Variants in ARHGAP39 observed in about 807,000 individuals in gnomAD.
ARHGAP39 encodes rho GTPase-activating protein 39.
In ARHGAP39, 44 loss-of-function variants were observed where a neutral mutation model predicts 106.9. The observed-to-expected ratio is 0.41, with a 90% CI of 0.32 to 0.53. The LOEUF (loss-of-function observed/expected upper bound fraction) is 0.53. ARHGAP39 is among the 20% of genes least tolerant of loss of function. The pLI, the probability that ARHGAP39 is intolerant of heterozygous loss-of-function variation, is 0.21. For synonymous variants in ARHGAP39, 768 were observed against 693.2 expected (o/e 1.11, Z -1.69); for missense variants, 1,496 against 1,577.3 (o/e 0.95, Z 0.87).
intron 3 of ARHGAP39, among the ~76,000 whole-genome samples, chr8:144,566,047 T>C (rs1436830280): frequency 6.6e-6 from 1 of 151,572 alleles, no homozygotes; most frequent in Non-Finnish European, 1.5e-5. Flanking sequence ...TCATCTGTGA[T>C]TGCGCCATTG....
Position 144,547,422 on chromosome 8 carries a change from G to GC in ARHGAP39, c.1663dup (p.Ala555GlyfsTer101). Reference sequence around the variant, plus strand: ...CGCCTCCCAGGCCAGCCGAGCCTGCGCCAGGAAGGGCTCGGCCGCGCCCCG... The same window carrying GC: ...CGCCTCCCAGGCCAGCCGAGCCTGCGCCCAGGAAGGGCTCGGCCGCGCCCCG... On this transcript the variant is annotated frameshift_variant, in exon 5 of 12. Coordinates refer to ENST00000377307, the MANE Select transcript of ARHGAP39 (RefSeq NM_025251.3). LOFTEE classifies it high-confidence loss of function. This position sits in a 1 kb window ranked among gnomAD's most constrained non-coding sequence, Gnocchi z 5.2. The GC allele has an allele frequency of 6.3e-7, 1 of 1,590,204 alleles. No homozygotes were observed. The highest frequency in any genetic ancestry group is 8.5e-7 in the Non-Finnish European group (1 of 1,175,134).
chr8:144,529,730 A>G lies in ARHGAP39; in HGVS notation c.*692T>C, dbSNP rs1485303219. ...TATACACGGTGGGCTGCGATGCAGG[A>G]TAGATTCTGGATTTACAGTTACACG... On this transcript the variant is annotated 3_prime_UTR_variant, in exon 12 of 12. Transcript: ENST00000377307. 2.0e-5 allele frequency: 3 copies of G among 152,048 alleles called. No individual in the cohort carries two copies. The highest frequency in any genetic ancestry group is 4.4e-5 in the Non-Finnish European group (3 of 68,026). 9.4% of individuals were successfully genotyped at this position (152,048 alleles called of 1,614,324 possible).
At chr8:144,651,287 T>C (rs914151582) in intron 1 of ARHGAP39, among the ~76,000 whole-genome samples, 3 of 152,116 alleles carry the variant, frequency 2.0e-5, no homozygotes, top group Admixed American at 1.3e-4. Flanking sequence ...CATCCCATAC[T>C]CATGGATAGG....
chr8:144,699,131 G>C, the ARHGAP39 span: 12 of 309,678 alleles, frequency 3.9e-5, no homozygotes, highest in Non-Finnish European at 6.9e-5. Flanking sequence ...CGATGCAGGG[G>C]GTGGGGACTG....
chr8:144,630,867 C>T (rs574860633), intron 1 of ARHGAP39, among the ~76,000 whole-genome samples: 1 of 152,384 alleles, frequency 6.6e-6, no homozygotes, highest in East Asian at 1.9e-4. Context: ...AATTACCCAT[C>T]TGTAATAGGC....
chr8:144,533,148 C>A lies in ARHGAP39; in HGVS notation c.2866G>T (p.Asp956Tyr), dbSNP rs1255577447. Residue 956 changes from aspartate to tyrosine, a missense_variant, in exon 9 of 12, where the codon GAC (aspartate) becomes TAC (tyrosine). Around this residue, in one of 4 missense-constraint regions of ARHGAP39, gnomAD observed 470 missense variants for 605.1 expected, o/e 0.78. Transcript: ENST00000377307. Reference protein sequence around the residue: ...LSEEVLALNGDQTEGIFRVPG... With the variant: ...LSEEVLALNGYQTEGIFRVPG... ...CACCTGAAGATGCCCTCTGTCTGGT[C>A]ACCGTTGAGCGCCAGCACCTCCTCA... is the stretch of plus-strand genomic sequence containing the variant. 6.2e-7 allele frequency: 1 copy of A among 1,606,562 alleles called. No homozygotes were observed. The highest frequency in any genetic ancestry group is 2.2e-5 in the East Asian group (1 of 44,816).
the ARHGAP39 span, among the ~76,000 whole-genome samples, chr8:144,691,458 A>G: frequency 6.6e-6 from 1 of 152,318 alleles, no homozygotes; most frequent in East Asian, 1.9e-4. Flanking sequence ...GACCAAGAGA[A>G]CAGCGAAAGT....
intron 2 of ARHGAP39, among the ~76,000 whole-genome samples, chr8:144,599,539 G>A (rs928357349): frequency 1.3e-5 from 2 of 152,216 alleles, no homozygotes; most frequent in African/African-American, 4.8e-5. Context: ...GTAGGCAGGT[G>A]CAGAAAGGGC....
intron 3 of ARHGAP39, among the ~76,000 whole-genome samples, chr8:144,579,424 C>T (rs967295306): frequency 2.2e-4 from 33 of 152,040 alleles, no homozygotes; most frequent in Admixed American, 1.7e-3. Flanking sequence ...TCTTTGTGCC[C>T]GCCTTCTGCA....
At chr8:144,537,946 G>C in intron 6 of ARHGAP39, 133 bp from the exon 7 acceptor site, 1 of 749,286 alleles carries the variant, frequency 1.3e-6, no homozygotes, top group Non-Finnish European at 2.2e-6. Context: ...TGGGGGCTGA[G>C]CGTTTCTGGG....
At chr8:144,540,270 C>T (rs1817134451) in intron 6 of ARHGAP39, among the ~76,000 whole-genome samples, 1 of 152,132 alleles carries the variant, frequency 6.6e-6, no homozygotes, top group Admixed American at 6.6e-5. Context: ...GTGGTTCAGG[C>T]CTGTTGTCCT....
In ARHGAP39 at chr8:144,547,483, GGGCGA is replaced by G; in HGVS notation, c.1598_1602del (p.Leu533ProfsTer8). The G allele has an allele frequency of 6.5e-7, 1 of 1,528,768 alleles. No individual in the cohort carries two copies. Among genetic ancestry groups the G allele is most frequent in the Non-Finnish European group, 8.8e-7 (1 of 1,142,160 alleles). The allele number at this position is 1,528,768 out of a possible 1,614,324, so 94.7% of individuals were successfully genotyped here. A position where few individuals can be genotyped will look rare whatever the true frequency, so the allele number is the denominator to read the frequency against. The stretch of plus-strand genomic sequence containing the variant: ...GCCTCACCTTCCGCTCGCTTCACGG[GGGCGA>G]GGCTGGTCCCGCACGGGGGCTGTTC... On this transcript the variant is annotated frameshift_variant, in exon 5 of 12. Coordinates refer to ENST00000377307, the MANE Select transcript of ARHGAP39 (RefSeq NM_025251.3). LOFTEE classifies it high-confidence loss of function. This position sits in a 1 kb window ranked among gnomAD's most constrained non-coding sequence, Gnocchi z 5.2.
At chr8:144,575,136 GCA>G (rs1438740156) in intron 3 of ARHGAP39, among the ~76,000 whole-genome samples, 1 of 152,096 alleles carries the variant, frequency 6.6e-6, no homozygotes, top group Non-Finnish European at 1.5e-5. Context: ...ATAAAAAATG[GCA>G]CACCTGTACT....
intron 1 of ARHGAP39, among the ~76,000 whole-genome samples, 173 bp downstream of exon 1, chr8:144,685,513 A>C (rs1586658500): frequency 4.5e-5 from 2 of 44,442 alleles, no homozygotes; most frequent in South Asian, 7.3e-4. Flanking sequence ...CCCTCCCTCC[A>C]CGGCCCAGTC....
intron 1 of ARHGAP39, among the ~76,000 whole-genome samples, chr8:144,610,508 G>A (rs1243020983): frequency 6.6e-6 from 1 of 151,832 alleles, no homozygotes; most frequent in African/African-American, 2.4e-5. Context: ...TCAGGAAATT[G>A]AGACCATCCT....
At chr8:144,605,197 G>A (rs1820236920) in intron 2 of ARHGAP39, among the ~76,000 whole-genome samples, 1 of 152,208 alleles carries the variant, frequency 6.6e-6, no homozygotes, top group African/African-American at 2.4e-5. Context: ...GGAGTTCAAG[G>A]CTGCAGTGAG....
intron 1 of ARHGAP39, among the ~76,000 whole-genome samples, chr8:144,609,405 T>TG (rs1480619343): frequency 6.8e-6 from 1 of 146,882 alleles, no homozygotes; most frequent in Non-Finnish European, 1.5e-5. Context: ...TCCTTTTTTT[T>TG]TTTTTTTTTT....
At chr8:144,530,649 C>CGGGGGGGGGGGGGG in intron 11 of ARHGAP39, 33 bp from the exon 12 acceptor site, 1 of 134,174 alleles carries the variant, frequency 7.5e-6, no homozygotes, top group Non-Finnish European at 9.9e-6. Flanking sequence ...CGCGGAGGGG[C>CGGGGGGGGGGGGGG]GGGGGCGGGG....
intron 1 of ARHGAP39, among the ~76,000 whole-genome samples, chr8:144,623,710 C>T (rs111334626): frequency 0.01 from 1,562 of 152,306 alleles, 21 homozygotes; most frequent in African/African-American, 0.036. Flanking sequence ...ATTCACCATC[C>T]AGGGAGTGTC....
Sources: gnomAD v4.1 joint callset for allele counts (sites outside exome capture counted in the v4.1 genomes callset) on GRCh38, gnomAD v4.1.1 for gene constraint, gnomAD v4.1.1 regional missense constraint, Gnocchi (gnomAD v3.1) non-coding constraint, MANE v1.5 for transcripts, NCBI Gene and HGNC (gene_info 2026-07-23, HGNC 2026-07-21) for gene names.